NTRK2: variants seen among roughly 807,000 people sequenced by gnomAD.
NTRK2 encodes BDNF/NT-3 growth factors receptor.
NTRK2 carries 13 observed loss-of-function variants against 94.5 expected under a neutral mutation model. That is an observed-to-expected ratio of 0.14 (90% CI 0.09 to 0.22). NTRK2 has a LOEUF of 0.22. Ranked by LOEUF, NTRK2 falls within the 10% of genes least tolerant of loss-of-function variation. The probability of loss-of-function intolerance (pLI) is 1.00; values close to 1 mark genes in which losing one functional copy is unlikely to be tolerated. For missense variants in NTRK2, 639 were observed against 1,071.2 expected (o/e 0.60, Z 5.63); for synonymous variants, 372 against 407.4 (o/e 0.91, Z 1.05).
rs149890847 is a variant in NTRK2, at chr9:84,687,480, T to C, written c.213-14679T>C. On this transcript the variant is annotated intron_variant, in intron 2 of 18. Transcript: ENST00000277120. ...ATTGCTTTCCCACCAATAAAAAGTG[T>C]CTTCTGGAGCTTAAATTCCTGGTGT... Among the ~76,000 whole-genome samples the C allele has an allele frequency of 3.3e-4, 51 of 152,320 alleles. No individual in the cohort carries two copies. In the East Asian group the frequency reaches 5.0e-3, roughly 15 times the overall value.
chr9:84,870,331 G>GTGTGTGTGTGTATATATATA (rs1349303529), intron 14 of NTRK2, among the ~76,000 whole-genome samples: 29 of 31,174 alleles, frequency 9.3e-4, no homozygotes, highest in African/African-American at 2.5e-3. Flanking sequence ...GTGTGTGTGT[G>GTGTGTGTGTGTATATATATA]TATATATATA....
chr9:85,021,505 T>C lies in NTRK2; in HGVS notation c.*68T>C. 1.3e-6 allele frequency: 2 copies of C among 1,515,708 alleles called. No homozygotes were observed. Among genetic ancestry groups the C allele is most frequent in the East Asian group, 2.3e-5 (1 of 44,358 alleles). 93.9% of individuals were successfully genotyped at this position (1,515,708 alleles called of 1,614,324 possible). On this transcript the variant is annotated 3_prime_UTR_variant, in exon 19 of 19. Coordinates refer to ENST00000277120, the MANE Select transcript of NTRK2 (RefSeq NM_006180.6). ...ACGGGCTGAGAGGATGAACATCTTT[T>C]AACTGCCGCTGGAGGCCACCAAGCT...
At chr9:84,959,421 C>T (rs1824602860) in intron 17 of NTRK2, among the ~76,000 whole-genome samples, 1 of 152,184 alleles carries the variant, frequency 6.6e-6, no homozygotes, top group Non-Finnish European at 1.5e-5. Flanking sequence ...CACTAGAAGT[C>T]CAAGCCTTCC....
chr9:84,807,436 G>A (rs967259139), intron 12 of NTRK2, among the ~76,000 whole-genome samples: 3 of 152,146 alleles, frequency 2.0e-5, no homozygotes, highest in Admixed American at 6.5e-5. Flanking sequence ...TTCTCAGATA[G>A]CACCTGCTTT....
At chr9:84,766,700 T>G (rs1425642694) in intron 12 of NTRK2, among the ~76,000 whole-genome samples, 1 of 150,906 alleles carries the variant, frequency 6.6e-6, no homozygotes, top group Non-Finnish European at 1.5e-5. Flanking sequence ...AACACACACA[T>G]ACACACAACA....
intron 2 of NTRK2, among the ~76,000 whole-genome samples, chr9:84,700,978 G>C (rs569222419): frequency 6.6e-6 from 1 of 152,240 alleles, no homozygotes; most frequent in African/African-American, 2.4e-5. Flanking sequence ...TACTGAGCCA[G>C]GTGCTGTGAT....
chr9:84,979,781 G>C (rs1377412242), intron 17 of NTRK2, among the ~76,000 whole-genome samples: 1 of 152,162 alleles, frequency 6.6e-6, no homozygotes, highest in Non-Finnish European at 1.5e-5. Flanking sequence ...AATTGCCACA[G>C]CCACCCCAAC....
intron 17 of NTRK2, among the ~76,000 whole-genome samples, chr9:84,985,942 T>C (rs1193950967): frequency 1.3e-5 from 2 of 152,042 alleles, no homozygotes; most frequent in South Asian, 2.1e-4. Flanking sequence ...CAAGGAACAC[T>C]AAGAAGAGCT....
intron 17 of NTRK2, among the ~76,000 whole-genome samples, chr9:85,010,894 C>T (rs972380095): frequency 6.6e-6 from 1 of 152,072 alleles, no homozygotes; most frequent in Non-Finnish European, 1.5e-5. Context: ...GTACAGTATA[C>T]AAGCAGGGTG....
rs140297582 is a variant in NTRK2 at position 84,838,544 on chromosome 9, TG to T, written c.1397-22495del. Among the ~76,000 whole-genome samples the T allele has an allele frequency of 5.2e-3, 786 of 152,296 alleles. 9 individuals are homozygous for T. Among genetic ancestry groups the T allele is most frequent in the African/African-American group, 0.018 (743 of 41,560 alleles). On this transcript the variant is annotated intron_variant, in intron 12 of 18. Transcript: ENST00000277120. Reference sequence around the variant, plus strand: ...AAGATGTTATTATCAGACATGGGGTTGTAGGTGATTTTTATTTTCTTCTTTA... The same window carrying T: ...AAGATGTTATTATCAGACATGGGGTTTAGGTGATTTTTATTTTCTTCTTTA...
intron 12 of NTRK2, chr9:84,811,352 C>G: frequency 1.9e-6 from 2 of 1,066,028 alleles, no homozygotes; most frequent in Non-Finnish European, 2.3e-6. Flanking sequence ...GAACAAGCAG[C>G]AACAGCTGTT....
chr9:84,955,692 T>G, intron 17 of NTRK2, 175 bp downstream of exon 17: 1 of 708,178 alleles, frequency 1.4e-6, no homozygotes, highest in Non-Finnish European at 2.5e-6. Context: ...GTGAGTGGGA[T>G]TGGTTCCTCC....
chr9:84,873,416 TGAC>T, intron 14 of NTRK2: 2 of 1,059,134 alleles, frequency 1.9e-6, no homozygotes, highest in Non-Finnish European at 2.3e-6. Flanking sequence ...CACACTGGGT[TGAC>T]GACTCATCTC....
intron 11 of NTRK2, among the ~76,000 whole-genome samples, chr9:84,750,664 C>T (rs1039742994): frequency 3.9e-5 from 6 of 152,180 alleles, no homozygotes; most frequent in Non-Finnish European, 8.8e-5. Context: ...AGAGCTGGAT[C>T]CTTAGTTGCG....
intron 2 of NTRK2, among the ~76,000 whole-genome samples, chr9:84,691,932 G>A (rs757166557): frequency 1.3e-5 from 2 of 152,138 alleles, no homozygotes; most frequent in South Asian, 2.1e-4. Context: ...ACCCCAAGTC[G>A]CTGAATGAGC....
chr9:84,988,590 G>A (rs1472024480), intron 17 of NTRK2, among the ~76,000 whole-genome samples: 2 of 152,216 alleles, frequency 1.3e-5, no homozygotes, highest in Admixed American at 6.5e-5. Flanking sequence ...CTGATGCGGC[G>A]AGGGAAATCA....
Position 84,778,682 on chromosome 9 carries a change from A to G in NTRK2, c.1396+26597A>G, listed in dbSNP as rs182796676. On this transcript the variant is annotated intron_variant, in intron 12 of 18. Coordinates refer to ENST00000277120, the MANE Select transcript of NTRK2 (RefSeq NM_006180.6). ...GCTGTGTTGACAGCAACATTTTCCCAGAGAATATAACAGTGGCCCACACAC... is the reference window on the plus strand; with the variant it reads ...GCTGTGTTGACAGCAACATTTTCCCGGAGAATATAACAGTGGCCCACACAC... Among the ~76,000 whole-genome samples, 473 of 152,296 alleles carry G rather than the reference A, an allele frequency of 3.1e-3. 6 individuals are homozygous for G. The Middle Eastern group carries it at 0.058, about 19-fold the overall frequency.
intron 12 of NTRK2, among the ~76,000 whole-genome samples, chr9:84,844,645 T>A (rs1054902196): frequency 2.4e-4 from 24 of 101,726 alleles, no homozygotes; most frequent in Admixed American, 1.7e-3. Flanking sequence ...ATGTAATACC[T>A]CACTCACACA....
intron 14 of NTRK2, among the ~76,000 whole-genome samples, chr9:84,929,576 A>T (rs2016067): frequency 0.053 from 7,895 of 147,598 alleles, 279 homozygotes; most frequent in Admixed American, 0.11. Flanking sequence ...TTTTTTTTTT[A>T]AATTTGAGAG....
Sources: gnomAD v4.1 joint callset for allele counts (sites outside exome capture counted in the v4.1 genomes callset) on GRCh38, gnomAD v4.1.1 for gene constraint, MANE v1.5 for transcripts, NCBI Gene and HGNC (gene_info 2026-07-23, HGNC 2026-07-21) for gene names.